FAM53B: variants seen among roughly 807,000 people sequenced by gnomAD.
FAM53B encodes protein FAM53B.
Under a neutral mutation model 32.7 loss-of-function variants are expected in FAM53B, and 12 were observed. The observed-to-expected ratio is 0.37, with a 90% CI of 0.24 to 0.59. The LOEUF (loss-of-function observed/expected upper bound fraction) is 0.59. Among genes scored for constraint, FAM53B ranks in the 20% least tolerant of loss-of-function variants. The probability of loss-of-function intolerance (pLI) is 0.72; values close to 1 mark genes in which losing one functional copy is unlikely to be tolerated. For missense variants in FAM53B, 477 were observed against 577.7 expected, an observed-to-expected ratio of 0.83 and a Z score of 1.79; for synonymous variants, 234 against 228.7, an observed-to-expected ratio of 1.02 and a Z score of -0.21.
chr10:124,675,565 G>A (rs1218406925), intron 4 of FAM53B, among the ~76,000 whole-genome samples: 1 of 152,266 alleles, frequency 6.6e-6, no homozygotes, highest in Non-Finnish European at 1.5e-5. Flanking sequence ...ATGAGCAACA[G>A]GCACTGCCAT....
chr10:124,714,638 A>C (rs1267071307), intron 1 of FAM53B, among the ~76,000 whole-genome samples: 1 of 151,806 alleles, frequency 6.6e-6, no homozygotes, highest in Non-Finnish European at 1.5e-5. Context: ...GCACGCCTGT[A>C]GTCCCAGCTA....
At chr10:124,670,526 C>G (rs965118033) in intron 4 of FAM53B, among the ~76,000 whole-genome samples, 1 of 152,170 alleles carries the variant, frequency 6.6e-6, no homozygotes, top group Non-Finnish European at 1.5e-5. Flanking sequence ...ACTCAGGAAC[C>G]TGTCCCCCCA....
At chr10:124,697,022 G>T (rs1949877640) in intron 2 of FAM53B, among the ~76,000 whole-genome samples, 1 of 152,106 alleles carries the variant, frequency 6.6e-6, no homozygotes, top group African/African-American at 2.4e-5. Context: ...ACAGTAAGCT[G>T]GGTGTGGAAT....
At chr10:124,719,395 C>T (rs1014172120) in intron 1 of FAM53B, among the ~76,000 whole-genome samples, 9 of 152,150 alleles carry the variant, frequency 5.9e-5, no homozygotes, top group African/African-American at 2.2e-4. Flanking sequence ...CAGAGTCACC[C>T]GGCTTTAAAG....
intron 2 of FAM53B, among the ~76,000 whole-genome samples, chr10:124,705,893 C>T (rs894057530): frequency 2.0e-5 from 3 of 152,224 alleles, no homozygotes; most frequent in African/African-American, 7.2e-5. Context: ...TGACCCTGGG[C>T]AGTTGGCCCC....
At chr10:124,732,993 C>G (rs543936957) in intron 1 of FAM53B, among the ~76,000 whole-genome samples, 1 of 152,188 alleles carries the variant, frequency 6.6e-6, no homozygotes, top group South Asian at 2.1e-4. Context: ...TTGGCCTATG[C>G]GGACGCAGCC....
rs117301934 is a variant in FAM53B at position 124,623,793 on chromosome 10, G to A, written c.907-189C>T. 1,541 of 594,646 alleles carry A rather than the reference G, an allele frequency of 2.6e-3. 29 individuals are homozygous for A. In the East Asian group the frequency reaches 0.043, roughly 16 times the overall value. The allele number at this position is 594,646 out of a possible 1,614,324, so 36.8% of individuals were successfully genotyped here. A position where few individuals can be genotyped will look rare whatever the true frequency, so the allele number is the denominator to read the frequency against. On this transcript the variant is annotated intron_variant, in intron 4 of 4. Transcript: ENST00000337318. Reference sequence around the variant, plus strand: ...GAAGATGCACCTCCGGCCAATGAGCGCTCTGTGCTCATAAAGACACGCGCA... The same window carrying A: ...GAAGATGCACCTCCGGCCAATGAGCACTCTGTGCTCATAAAGACACGCGCA...
At chr10:124,722,253 T>A (rs918567108) in intron 1 of FAM53B, among the ~76,000 whole-genome samples, 1 of 152,186 alleles carries the variant, frequency 6.6e-6, no homozygotes, top group Non-Finnish European at 1.5e-5. Context: ...CCTGAGCCGA[T>A]CATCATACAT....
At chr10:124,645,946 G>A (rs939273339) in intron 4 of FAM53B, among the ~76,000 whole-genome samples, 2 of 152,174 alleles carry the variant, frequency 1.3e-5, no homozygotes, top group African/African-American at 4.8e-5. Context: ...AGTGGGCACC[G>A]AGAAGGTGCG....
intron 1 of FAM53B, among the ~76,000 whole-genome samples, chr10:124,732,053 T>C (rs1379071864): frequency 6.6e-6 from 1 of 152,124 alleles, no homozygotes; most frequent in African/African-American, 2.4e-5. Context: ...GGGATTGCTG[T>C]CTTCTCTTCC....
At chr10:124,695,126 C>T (rs1022529370) in intron 3 of FAM53B, among the ~76,000 whole-genome samples, 8 of 152,070 alleles carry the variant, frequency 5.3e-5, no homozygotes, top group African/African-American at 9.7e-5. Flanking sequence ...GAGGGAGGAC[C>T]GAGAAGGAAA....
At chr10:124,667,677 G>T (rs1446713815) in intron 4 of FAM53B, among the ~76,000 whole-genome samples, 1 of 152,218 alleles carries the variant, frequency 6.6e-6, no homozygotes, top group Non-Finnish European at 1.5e-5. Flanking sequence ...CGGGGTCACA[G>T]GGCAGAGGGC....
intron 3 of FAM53B, 57 bp downstream of exon 3, chr10:124,696,101 C>CA: frequency 1.4e-6 from 2 of 1,460,112 alleles, no homozygotes; most frequent in Non-Finnish European, 1.9e-6. Flanking sequence ...CTGGAGGACT[C>CA]AGACCCTGGC....
Position 124,706,656 on chromosome 10 carries a change from C to CA in FAM53B, c.57dup (p.Gly20TrpfsTer6). The CA allele has an allele frequency of 6.2e-7, 1 of 1,614,228 alleles. No individual in the cohort carries two copies. Among genetic ancestry groups the CA allele is most frequent in the Non-Finnish European group, 8.5e-7 (1 of 1,180,050 alleles). Reference sequence around the variant, plus strand: ...CTCACCAGTTCACGGCTGAAGGTCCCACATGCAATGGAGTCAGCTCCCCGG... The same window carrying CA: ...CTCACCAGTTCACGGCTGAAGGTCCCAACATGCAATGGAGTCAGCTCCCCGG... On this transcript the variant is annotated frameshift_variant, in exon 2 of 5. Transcript: ENST00000337318. LOFTEE classifies it high-confidence loss of function.
At chr10:124,630,360 G>A (rs937859166) in intron 4 of FAM53B, among the ~76,000 whole-genome samples, 1 of 152,238 alleles carries the variant, frequency 6.6e-6, no homozygotes, top group Admixed American at 6.5e-5. Flanking sequence ...GTCGCAGTGA[G>A]CCGAGATTGC....
intron 2 of FAM53B, among the ~76,000 whole-genome samples, chr10:124,700,611 G>A (rs570766371): frequency 1.8e-4 from 28 of 152,312 alleles, no homozygotes; most frequent in Admixed American, 9.8e-4. Context: ...TCGTAGGAAA[G>A]GCAAAAGCTG....
At chr10:124,708,254 T>C (rs1393275615) in intron 1 of FAM53B, among the ~76,000 whole-genome samples, 1 of 152,250 alleles carries the variant, frequency 6.6e-6, no homozygotes, top group African/African-American at 2.4e-5. Context: ...GTCCAGATTG[T>C]AAATCATGTT....
intron 4 of FAM53B, among the ~76,000 whole-genome samples, chr10:124,672,126 GAAGTGGGCTA>G (rs1261394895): frequency 6.6e-6 from 1 of 152,200 alleles, no homozygotes; most frequent in Non-Finnish European, 1.5e-5. Context: ...TGCCAAAGGC[GAAGTGGGCTA>G]AAGTAAAGGC....
chr10:124,631,578 T>C (rs924153488), intron 4 of FAM53B, among the ~76,000 whole-genome samples: 1 of 152,144 alleles, frequency 6.6e-6, no homozygotes, highest in African/African-American at 2.4e-5. Context: ...ACCAGAGTGG[T>C]GCTCATCGGG....
Sources: gnomAD v4.1 joint callset for allele counts (sites outside exome capture counted in the v4.1 genomes callset) on GRCh38, gnomAD v4.1.1 for gene constraint, MANE v1.5 for transcripts, NCBI Gene and HGNC (gene_info 2026-07-23, HGNC 2026-07-21) for gene names.